DPP10: variants seen among roughly 807,000 people sequenced by gnomAD.
DPP10 encodes the protein dipeptidyl peptidase like 10, also known as inactive dipeptidyl peptidase 10.
A neutral mutation model predicts 120.9 loss-of-function variants in DPP10; 33 were observed. The ratio of observed to expected loss-of-function variants is 0.27; its 90% CI spans 0.21 to 0.37. DPP10 has a LOEUF of 0.37. Among genes scored for constraint, DPP10 ranks in the 10% least tolerant of loss-of-function variants. The probability of loss-of-function intolerance (pLI) is 1.00; values close to 1 mark genes in which losing one functional copy is unlikely to be tolerated. For missense variants in DPP10, 816 were observed against 942.8 expected, an observed-to-expected ratio of 0.87 and a Z score of 1.76; for synonymous variants, 337 against 326.1, an observed-to-expected ratio of 1.03 and a Z score of -0.36.
intron 3 of DPP10, among the ~76,000 whole-genome samples, chr2:115,352,547 A>C (rs2064103544): frequency 6.6e-6 from 1 of 152,190 alleles, no homozygotes; most frequent in Admixed American, 6.6e-5. Context: ...CTATATATCC[A>C]TCTATCCTTT....
intron 2 of DPP10, among the ~76,000 whole-genome samples, chr2:115,322,996 G>A (rs1465451702): frequency 8.5e-5 from 13 of 152,124 alleles, no homozygotes; most frequent in Non-Finnish European, 1.5e-4. Flanking sequence ...GCTGAAGGTG[G>A]GTGTGGCTGT....
intron 4 of DPP10, among the ~76,000 whole-genome samples, chr2:115,511,197 G>T (rs563051541): frequency 1.3e-5 from 2 of 152,026 alleles, no homozygotes; most frequent in Non-Finnish European, 2.9e-5. Context: ...GGAACTCACT[G>T]ATGATACCAT....
At chr2:115,407,684 A>G (rs1290570195) in intron 3 of DPP10, among the ~76,000 whole-genome samples, 1 of 151,938 alleles carries the variant, frequency 6.6e-6, no homozygotes, top group Non-Finnish European at 1.5e-5. Flanking sequence ...AAAAAAAAAA[A>G]TACTTTTACC....
chr2:114,811,194 T>G (rs1476664325), intron 1 of DPP10, among the ~76,000 whole-genome samples: 5 of 152,162 alleles, frequency 3.3e-5, no homozygotes, highest in Non-Finnish European at 5.9e-5. Flanking sequence ...CATCTCATAT[T>G]TAGATTTCAA....
At chr2:115,021,350 A>G (rs1473748036) in intron 1 of DPP10, among the ~76,000 whole-genome samples, 1 of 152,124 alleles carries the variant, frequency 6.6e-6, no homozygotes, top group Non-Finnish European at 1.5e-5. Context: ...CAACTGATAC[A>G]CAGAAATACA....
intron 5 of DPP10, among the ~76,000 whole-genome samples, chr2:115,593,838 C>G (rs1015931642): frequency 6.6e-6 from 1 of 152,190 alleles, no homozygotes; most frequent in African/African-American, 2.4e-5. Context: ...TAAAGTTCAA[C>G]AGGAATCATT....
intron 1 of DPP10, among the ~76,000 whole-genome samples, chr2:114,491,247 A>G (rs777542880): frequency 6.6e-5 from 10 of 152,192 alleles, no homozygotes; most frequent in Admixed American, 5.2e-4. Flanking sequence ...GGAAAATACA[A>G]TGAAGAAATA....
intron 1 of DPP10, among the ~76,000 whole-genome samples, chr2:114,494,121 AC>A (rs1553450294): frequency 2.4e-4 from 35 of 147,542 alleles, no homozygotes; most frequent in African/African-American, 8.5e-4. Flanking sequence ...AAAAAAAAAA[AC>A]CCAGCAAATT....
chr2:115,674,311 G>T (rs963170212), intron 5 of DPP10, among the ~76,000 whole-genome samples: 4 of 151,044 alleles, frequency 2.6e-5, no homozygotes, highest in Non-Finnish European at 5.9e-5. Context: ...CAGTTTTCTA[G>T]TGTCAACATG....
intron 1 of DPP10, among the ~76,000 whole-genome samples, chr2:115,023,446 C>T (rs976646286): frequency 6.6e-6 from 1 of 152,016 alleles, no homozygotes; most frequent in Non-Finnish European, 1.5e-5. Flanking sequence ...AACTCAATAC[C>T]ACCTGCCTCC....
At chr2:115,799,901 G>A (rs1559169270) in intron 19 of DPP10, among the ~76,000 whole-genome samples, 1 of 152,030 alleles carries the variant, frequency 6.6e-6, no homozygotes. Context: ...ACATACGTGT[G>A]CATGTGTCTT....
intron 1 of DPP10, among the ~76,000 whole-genome samples, chr2:114,725,272 C>A (rs550901600): frequency 6.6e-6 from 1 of 152,304 alleles, no homozygotes; most frequent in East Asian, 1.9e-4. Flanking sequence ...CCTCTCTATC[C>A]ACCGCACTAC....
In DPP10 at chr2:114,697,353, C is replaced by T. The variant is rs138504847; in HGVS notation, c.60+254515C>T. On this transcript the variant is annotated intron_variant, in intron 1 of 25. Coordinates refer to ENST00000410059, the MANE Select transcript of DPP10 (RefSeq NM_020868.6). Reference sequence around the variant, plus strand: ...TGCATCAGACAAGGGAAAGTTACCACGGTTAGTTAGTAGACATAGAATGCT... The same window carrying T: ...TGCATCAGACAAGGGAAAGTTACCATGGTTAGTTAGTAGACATAGAATGCT... Among the ~76,000 whole-genome samples, 244 of 152,114 alleles carry T rather than the reference C, an allele frequency of 1.6e-3. 1 individual carries two copies. Among genetic ancestry groups the T allele is most frequent in the African/African-American group, 5.7e-3 (236 of 41,526 alleles).
chr2:114,725,289 T>G (rs922041558), intron 1 of DPP10, among the ~76,000 whole-genome samples: 1 of 152,230 alleles, frequency 6.6e-6, no homozygotes, highest in African/African-American at 2.4e-5. Context: ...CTACGCATAT[T>G]CACATTTTTT....
intron 3 of DPP10, among the ~76,000 whole-genome samples, chr2:115,478,539 A>G (rs1266003325): frequency 2.6e-5 from 4 of 152,220 alleles, no homozygotes; most frequent in Non-Finnish European, 2.9e-5. Context: ...AGACAGCGCA[A>G]GAAAATATAC....
intron 1 of DPP10, among the ~76,000 whole-genome samples, chr2:114,926,636 C>T (rs1320954739): frequency 1.3e-5 from 2 of 152,164 alleles, no homozygotes; most frequent in Non-Finnish European, 2.9e-5. Context: ...CAGGTACTTT[C>T]CCCCTCTGGG....
intron 1 of DPP10, among the ~76,000 whole-genome samples, chr2:115,079,160 C>T (rs1171275163): frequency 6.6e-6 from 1 of 152,076 alleles, no homozygotes; most frequent in African/African-American, 2.4e-5. Context: ...GCGGGTGGAT[C>T]GTGAGGTCAG....
intron 1 of DPP10, among the ~76,000 whole-genome samples, chr2:114,446,140 C>CT (rs1677931565): frequency 6.6e-6 from 1 of 152,202 alleles, no homozygotes; most frequent in South Asian, 2.1e-4. Context: ...ATGTCCCCCA[C>CT]CATGGGTAGC....
chr2:115,148,477 A>G (rs901544009), intron 1 of DPP10, among the ~76,000 whole-genome samples: 4 of 152,176 alleles, frequency 2.6e-5, no homozygotes, highest in African/African-American at 7.2e-5. Context: ...TTTCAATGCC[A>G]TAAACACATT....
Sources: gnomAD v4.1 joint callset for allele counts (sites outside exome capture counted in the v4.1 genomes callset) on GRCh38, gnomAD v4.1.1 for gene constraint, MANE v1.5 for transcripts, NCBI Gene and HGNC (gene_info 2026-07-23, HGNC 2026-07-21) for gene names.